IQCJ: variants seen among roughly 807,000 people sequenced by gnomAD.
IQCJ encodes the protein IQ domain-containing protein J.
IQCJ carries 9 observed loss-of-function variants against 11.0 expected under a neutral mutation model. That is an observed-to-expected ratio of 0.82 (90% confidence interval 0.49 to 1.43). The LOEUF (loss-of-function observed/expected upper bound fraction) is 1.43, where lower values mean the gene tolerates loss of function less well. IQCJ is among the 40% of genes most tolerant of loss of function. The pLI, the probability that IQCJ is intolerant of heterozygous loss-of-function variation, is 0.00. For synonymous variants in IQCJ, 55 were observed against 51.3 expected (o/e 1.07, Z -0.31); for missense variants, 146 against 133.2 (o/e 1.10, Z -0.47).
intron 1 of IQCJ, among the ~76,000 whole-genome samples, chr3:159,147,737 T>C (rs1203260809): frequency 2.6e-5 from 4 of 152,226 alleles, no homozygotes; most frequent in Non-Finnish European, 5.9e-5. Flanking sequence ...ATAACAAATA[T>C]ATGAACTCTG....
intron 1 of IQCJ, among the ~76,000 whole-genome samples, chr3:159,165,597 A>G (rs1228502305): frequency 6.6e-6 from 1 of 151,434 alleles, no homozygotes; most frequent in African/African-American, 2.4e-5. Flanking sequence ...ATTAAAGTAT[A>G]TTTTATAAAA....
intron 1 of IQCJ, among the ~76,000 whole-genome samples, chr3:159,103,084 C>G (rs1025782135): frequency 2.6e-5 from 4 of 152,178 alleles, no homozygotes; most frequent in African/African-American, 9.6e-5. Context: ...ATAGGTCTGT[C>G]TATTGTGAAT....
At chr3:159,133,823 A>C (rs1037740588) in intron 1 of IQCJ, among the ~76,000 whole-genome samples, 3 of 152,048 alleles carry the variant, frequency 2.0e-5, no homozygotes, top group Non-Finnish European at 4.4e-5. Flanking sequence ...CTATGTAACA[A>C]ATTACCACAT....
intron 1 of IQCJ, among the ~76,000 whole-genome samples, chr3:159,188,862 G>A (rs976153674): frequency 1.2e-4 from 19 of 152,048 alleles, no homozygotes; most frequent in African/African-American, 4.6e-4. Context: ...GCTGACTTTT[G>A]TATTCTCAGT....
At chr3:159,074,233 G>A (rs1268474753) in intron 1 of IQCJ, among the ~76,000 whole-genome samples, 1 of 152,064 alleles carries the variant, frequency 6.6e-6, no homozygotes, top group African/African-American at 2.4e-5. Flanking sequence ...CAGGAGTCAG[G>A]GAGACCAGTA....
chr3:159,259,831 G>C (rs2108231369), intron 3 of IQCJ, among the ~76,000 whole-genome samples: 1 of 152,038 alleles, frequency 6.6e-6, no homozygotes, highest in East Asian at 1.9e-4. Flanking sequence ...TTATCATCTA[G>C]TCCTCAAAAC....
At chr3:159,094,058 G>A (rs1042011802) in intron 1 of IQCJ, among the ~76,000 whole-genome samples, 7 of 151,784 alleles carry the variant, frequency 4.6e-5, no homozygotes, top group African/African-American at 1.7e-4. Context: ...CAGGGTTTGG[G>A]CCTCCTGGCT....
chr3:159,169,831 G>A (rs890015839), intron 1 of IQCJ, among the ~76,000 whole-genome samples: 2 of 152,104 alleles, frequency 1.3e-5, no homozygotes, highest in African/African-American at 4.8e-5. Context: ...GACTTTACCT[G>A]CCTTTGATTG....
chr3:159,135,604 C>T (rs1720243126), intron 1 of IQCJ, among the ~76,000 whole-genome samples: 1 of 152,124 alleles, frequency 6.6e-6, no homozygotes, highest in Non-Finnish European at 1.5e-5. Context: ...TCACTGGGTA[C>T]ATCTGTATCA....
intron 1 of IQCJ, among the ~76,000 whole-genome samples, chr3:159,143,112 AAAAT>A (rs1405026070): frequency 3.3e-5 from 5 of 152,208 alleles, no homozygotes; most frequent in Admixed American, 6.5e-5. Context: ...CTTAAGAAAG[AAAAT>A]TCATGTTTTT....
rs527237973 is a variant in IQCJ at position 159,248,968 on chromosome 3, T to C, written c.74+3061T>C. On this transcript the variant is annotated intron_variant, in intron 2 of 3. Transcript: ENST00000397832. ...ACCTCCTGGGTTCAAGCAACTCTCC[T>C]GCCTTAGCCTCCTTAGTTGCTGGGA... is the stretch of plus-strand genomic sequence containing the variant. 8.4e-4 allele frequency among the ~76,000 whole-genome samples: 128 copies of C among 152,178 alleles called. 1 individual carries two copies. The highest frequency in any genetic ancestry group is 3.0e-3 in the African/African-American group (124 of 41,522).
At chr3:159,242,538 C>T (rs1367934548) in intron 1 of IQCJ, among the ~76,000 whole-genome samples, 4 of 150,630 alleles carry the variant, frequency 2.7e-5, no homozygotes, top group African/African-American at 9.8e-5. Flanking sequence ...AGAAGGAAGA[C>T]CAAACATTAA....
chr3:159,088,898 T>C (rs1311073256), intron 1 of IQCJ, among the ~76,000 whole-genome samples: 1 of 152,200 alleles, frequency 6.6e-6, no homozygotes, highest in African/African-American at 2.4e-5. Context: ...GTCTTTTAAT[T>C]GGAGCATTTA....
chr3:159,141,988 G>A (rs1361971934), intron 1 of IQCJ, among the ~76,000 whole-genome samples: 1 of 152,174 alleles, frequency 6.6e-6, no homozygotes. Context: ...TAAAAGATTA[G>A]CATTAGTCTA....
At chr3:159,129,680 A>G (rs918096925) in intron 1 of IQCJ, among the ~76,000 whole-genome samples, 1 of 152,180 alleles carries the variant, frequency 6.6e-6, no homozygotes, top group Non-Finnish European at 1.5e-5. Flanking sequence ...CATAATAAAG[A>G]GCAGTTTTAG....
At chr3:159,104,551 A>G (rs1283373308) in intron 1 of IQCJ, among the ~76,000 whole-genome samples, 3 of 152,180 alleles carry the variant, frequency 2.0e-5, no homozygotes, top group Non-Finnish European at 4.4e-5. Context: ...TACTTCTACT[A>G]CTGCATAGTT....
At chr3:159,079,795 T>A (rs181363227) in intron 1 of IQCJ, among the ~76,000 whole-genome samples, 263 of 152,230 alleles carry the variant, frequency 1.7e-3, no homozygotes, top group African/African-American at 5.7e-3. Flanking sequence ...TCTTTGGATC[T>A]TAAATGCTTA....
chr3:159,251,367 T>G (rs1010831120), intron 2 of IQCJ, among the ~76,000 whole-genome samples: 3 of 151,810 alleles, frequency 2.0e-5, no homozygotes, highest in African/African-American at 7.3e-5. Flanking sequence ...CCTTGCTCAC[T>G]CCCACCACAA....
intron 1 of IQCJ, among the ~76,000 whole-genome samples, chr3:159,103,643 T>C (rs529097777): frequency 1.3e-3 from 195 of 152,356 alleles, no homozygotes; most frequent in African/African-American, 4.6e-3. Context: ...TAAAATTCCA[T>C]AATGTGGATA....
Sources: gnomAD v4.1 joint callset for allele counts (sites outside exome capture counted in the v4.1 genomes callset) on GRCh38, gnomAD v4.1.1 for gene constraint, MANE v1.5 for transcripts, NCBI Gene and HGNC (gene_info 2026-07-23, HGNC 2026-07-21) for gene names.